Variants in NRXN1 observed in about 807,000 individuals in gnomAD.
NRXN1 encodes neurexin-1.
A neutral mutation model predicts 150.9 loss-of-function variants in NRXN1; 39 were observed. That is an observed-to-expected ratio of 0.26 (90% confidence interval 0.20 to 0.34). The LOEUF (loss-of-function observed/expected upper bound fraction) is 0.34. NRXN1 is among the 10% of genes least tolerant of loss of function. The pLI, the probability that NRXN1 is intolerant of heterozygous loss-of-function variation, is 1.00. For synonymous variants in NRXN1, 924 were observed against 757.0 expected (o/e 1.22, Z -3.62); for missense variants, 1,815 against 1,949.9 (o/e 0.93, Z 1.30).
At chr2:50,478,708 C>T (rs1180652536) in intron 15 of NRXN1, among the ~76,000 whole-genome samples, 1 of 152,150 alleles carries the variant, frequency 6.6e-6, no homozygotes, top group Non-Finnish European at 1.5e-5. Context: ...AAAATCAAAC[C>T]TTCATCATCT....
intron 18 of NRXN1, among the ~76,000 whole-genome samples, chr2:50,228,415 G>A (rs1334888356): frequency 6.6e-6 from 1 of 152,018 alleles, no homozygotes; most frequent in Admixed American, 6.6e-5. Context: ...AGTAAAAGAT[G>A]TCAAAGATGT....
chr2:50,657,295 C>T (rs1400351803), intron 5 of NRXN1, among the ~76,000 whole-genome samples: 2 of 152,050 alleles, frequency 1.3e-5, no homozygotes, highest in Non-Finnish European at 2.9e-5. Flanking sequence ...TCCTCTCCAA[C>T]ATGTTATTCA....
chr2:50,808,179 G>C (rs1667751673), intron 5 of NRXN1, among the ~76,000 whole-genome samples: 1 of 152,058 alleles, frequency 6.6e-6, no homozygotes, highest in African/African-American at 2.4e-5. Context: ...TAAAACTATT[G>C]TAAATAGTTT....
At chr2:50,415,532 T>A (rs1057249168) in intron 17 of NRXN1, among the ~76,000 whole-genome samples, 1 of 152,190 alleles carries the variant, frequency 6.6e-6, no homozygotes, top group Non-Finnish European at 1.5e-5. Flanking sequence ...AATGTTCTGA[T>A]GAAGCATGGA....
rs1668330162 is a variant in NRXN1, at chr2:51,014,261, T to C, written c.772+13241A>G. Among the ~76,000 whole-genome samples, 5 of 152,060 alleles carry C rather than the reference T, an allele frequency of 3.3e-5. No homozygotes were observed. The South Asian group carries it at 8.3e-4, about 25-fold the overall frequency. The stretch of plus-strand genomic sequence containing the variant: ...GGTAAAATAAACAGAGCGGGGGCTA[T>C]TAGAGGAAGGAGGCTGAATGTCAGA... On this transcript the variant is annotated intron_variant, in intron 2 of 22. Transcript: ENST00000401669.
chr2:50,631,542 C>T (rs755020846), intron 5 of NRXN1, among the ~76,000 whole-genome samples: 12 of 151,858 alleles, frequency 7.9e-5, no homozygotes, highest in Non-Finnish European at 8.8e-5. Flanking sequence ...TTCCTAATTT[C>T]TAGATATTGC....
chr2:50,167,408 C>G (rs771733011), intron 18 of NRXN1, among the ~76,000 whole-genome samples: 19 of 152,152 alleles, frequency 1.2e-4, no homozygotes, highest in African/African-American at 3.6e-4. Flanking sequence ...GCCTCCCCCC[C>G]GCCTGTTAAT....
At chr2:50,238,703 T>C (rs1455840301) in intron 17 of NRXN1, among the ~76,000 whole-genome samples, 2 of 152,030 alleles carry the variant, frequency 1.3e-5, no homozygotes, top group African/African-American at 4.8e-5. Flanking sequence ...TTTGTGGCCA[T>C]TTTTGGAAGC....
chr2:49,947,348 T>A (rs896829269), intron 21 of NRXN1, among the ~76,000 whole-genome samples: 7 of 151,970 alleles, frequency 4.6e-5, no homozygotes, highest in Admixed American at 1.3e-4. Flanking sequence ...TATTGCCACC[T>A]TTTCCTTCCT....
intron 18 of NRXN1, among the ~76,000 whole-genome samples, chr2:50,225,042 C>T (rs1269713860): frequency 6.6e-6 from 1 of 151,916 alleles, no homozygotes; most frequent in Non-Finnish European, 1.5e-5. Context: ...AAGAAAATAA[C>T]ACAGGAAAAA....
At chr2:50,141,443 AC>A (rs2152760395) in intron 18 of NRXN1, among the ~76,000 whole-genome samples, 1 of 152,168 alleles carries the variant, frequency 6.6e-6, no homozygotes, top group South Asian at 2.1e-4. Flanking sequence ...GGGAACAAAA[AC>A]AAAAAGAGAT....
chr2:50,381,161 G>A (rs1402126), intron 17 of NRXN1, among the ~76,000 whole-genome samples: 80,911 of 151,806 alleles, frequency 0.53, 22,893 homozygotes, highest in East Asian at 0.81. Context: ...AAAGAGTTCA[G>A]GTTGAAGAGA....
chr2:50,756,160 C>T (rs1216633675), intron 5 of NRXN1, among the ~76,000 whole-genome samples: 1 of 151,758 alleles, frequency 6.6e-6, no homozygotes. Flanking sequence ...CCACAGGGAT[C>T]TTTCTCTGGT....
In NRXN1 at chr2:50,336,519, T is replaced by C. The variant is rs572298951; in HGVS notation, c.3365-99549A>G. 4.2e-4 allele frequency among the ~76,000 whole-genome samples: 64 copies of C among 152,352 alleles called. 1 individual carries two copies. Among genetic ancestry groups the C allele is most frequent in the African/African-American group, 1.5e-3 (63 of 41,586 alleles). ...TCTCTATATCCTGCCTTCAGAATTA[T>C]ACGATTTTATTTAACCATTTGCAGG... On this transcript the variant is annotated intron_variant, in intron 17 of 22. Transcript: ENST00000401669.
At chr2:50,640,903 T>C (rs1683986019) in intron 5 of NRXN1, among the ~76,000 whole-genome samples, 1 of 152,298 alleles carries the variant, frequency 6.6e-6, no homozygotes, top group Non-Finnish European at 1.5e-5. Context: ...CGATATTATA[T>C]TCTAAAGAGA....
intron 18 of NRXN1, among the ~76,000 whole-genome samples, chr2:50,098,375 G>A (rs1311582387): frequency 6.6e-6 from 1 of 152,030 alleles, no homozygotes; most frequent in Non-Finnish European, 1.5e-5. Flanking sequence ...GTGCATTGGG[G>A]GAAGCATCTG....
intron 5 of NRXN1, among the ~76,000 whole-genome samples, chr2:50,659,655 T>G (rs914287750): frequency 1.3e-5 from 2 of 151,872 alleles, no homozygotes; most frequent in Non-Finnish European, 2.9e-5. Context: ...ACAGTGTAAG[T>G]TGAATATTCA....
At chr2:50,462,931 C>G (rs1351047626) in intron 17 of NRXN1, among the ~76,000 whole-genome samples, 2 of 151,766 alleles carry the variant, frequency 1.3e-5, no homozygotes, top group Non-Finnish European at 2.9e-5. Context: ...GGGAAGGTCT[C>G]ATTTGTAATG....
At chr2:50,376,054 C>T (rs1572734625) in intron 17 of NRXN1, among the ~76,000 whole-genome samples, 1 of 150,788 alleles carries the variant, frequency 6.6e-6, no homozygotes, top group Non-Finnish European at 1.5e-5. Flanking sequence ...TATACACACA[C>T]ACACACACAC....
Sources: gnomAD v4.1 joint callset for allele counts (sites outside exome capture counted in the v4.1 genomes callset) on GRCh38, gnomAD v4.1.1 for gene constraint, MANE v1.5 for transcripts, NCBI Gene and HGNC (gene_info 2026-07-23, HGNC 2026-07-21) for gene names.